CLVS1: variants seen among roughly 807,000 people sequenced by gnomAD.
The protein encoded by CLVS1 is clavesin 1.
In CLVS1, 10 loss-of-function variants were observed where a neutral mutation model predicts 33.1. That is an observed-to-expected ratio of 0.30 (90% CI 0.19 to 0.51). The LOEUF is 0.51. Ranked by LOEUF, CLVS1 falls within the 20% of genes least tolerant of loss-of-function variation. The pLI, the probability that CLVS1 is intolerant of heterozygous loss-of-function variation, is 0.97. For missense variants in CLVS1, 343 were observed against 433.4 expected (o/e 0.79, Z 1.85); for synonymous variants, 163 against 166.1 (o/e 0.98, Z 0.14).
intron 3 of CLVS1, among the ~76,000 whole-genome samples, chr8:61,378,700 T>G (rs1813747610): frequency 6.6e-6 from 1 of 152,170 alleles, no homozygotes; most frequent in Non-Finnish European, 1.5e-5. Context: ...GAGGAAGCAC[T>G]CAGGGCTACT....
At position 61,193,870 on chromosome 8, in the gene CLVS1, A is replaced by G. The variant is rs147188762; in HGVS notation, c.-152+62010A>G. On this transcript the variant is annotated intron_variant, in intron 2 of 2. Coordinates refer to the CLVS1 transcript ENST00000522621. ...TTAAGCAAACATTGTGCTAAACAATAGTATTAATGTCTTGAGGGATTAAAA... is the reference window on the plus strand; with the variant it reads ...TTAAGCAAACATTGTGCTAAACAATGGTATTAATGTCTTGAGGGATTAAAA... Among the ~76,000 whole-genome samples, 6 of 152,240 alleles carry G rather than the reference A, an allele frequency of 3.9e-5. No individual in the cohort carries two copies. The East Asian group carries it at 9.6e-4, about 24-fold the overall frequency.
the CLVS1 span, among the ~76,000 whole-genome samples, chr8:60,980,560 C>A: frequency 1.3e-5 from 2 of 152,160 alleles, no homozygotes; most frequent in Non-Finnish European, 2.9e-5. Flanking sequence ...CCAAGGCTGG[C>A]GGATCACCTG....
chr8:61,172,682 C>A (rs932067362), intron 2 of CLVS1, among the ~76,000 whole-genome samples: 1 of 152,106 alleles, frequency 6.6e-6, no homozygotes, highest in Non-Finnish European at 1.5e-5. Context: ...TTAAAATGTG[C>A]AATGTCTCAA....
chr8:61,386,002 A>T (rs1814071325), intron 3 of CLVS1, among the ~76,000 whole-genome samples: 1 of 152,204 alleles, frequency 6.6e-6, no homozygotes, highest in Non-Finnish European at 1.5e-5. Context: ...ACTGTCCAAT[A>T]CATCACCCGG....
At chr8:61,489,124 T>G (rs1038538060) in intron 5 of CLVS1, among the ~76,000 whole-genome samples, 2 of 152,218 alleles carry the variant, frequency 1.3e-5, no homozygotes, top group African/African-American at 4.8e-5. Flanking sequence ...TTAGAAAACT[T>G]TTTTCTCAAT....
intron 2 of CLVS1, among the ~76,000 whole-genome samples, chr8:61,227,294 C>T (rs1585705185): frequency 2.1e-5 from 3 of 143,076 alleles, no homozygotes; most frequent in African/African-American, 7.8e-5. Flanking sequence ...GCGAGAAATG[C>T]TTTTTTTTTT....
intron 5 of CLVS1, among the ~76,000 whole-genome samples, chr8:61,486,062 G>T (rs570633903): frequency 6.6e-6 from 1 of 151,706 alleles, no homozygotes; most frequent in African/African-American, 2.4e-5. Flanking sequence ...TAACCTGCAC[G>T]TTGTGCACAT....
At chr8:61,389,143 C>G (rs1032459393) in intron 3 of CLVS1, among the ~76,000 whole-genome samples, 2 of 152,180 alleles carry the variant, frequency 1.3e-5, no homozygotes, top group Non-Finnish European at 2.9e-5. Context: ...ACACATAATT[C>G]TTGCTGATTT....
the CLVS1 span, among the ~76,000 whole-genome samples, chr8:60,965,578 C>CA: frequency 2.0e-5 from 3 of 152,048 alleles, no homozygotes; most frequent in Admixed American, 6.6e-5. Context: ...AGGGGGCAAA[C>CA]AAAAGAGCCC....
At chr8:61,355,447 G>A (rs970137686) in intron 2 of CLVS1, among the ~76,000 whole-genome samples, 5 of 151,856 alleles carry the variant, frequency 3.3e-5, no homozygotes, top group African/African-American at 1.2e-4. Context: ...AAGTTTTAGG[G>A]TACATGTGCA....
intron 3 of CLVS1, among the ~76,000 whole-genome samples, chr8:61,410,744 C>T (rs1218461121): frequency 1.3e-5 from 2 of 152,150 alleles, no homozygotes; most frequent in African/African-American, 2.4e-5. Flanking sequence ...TGGGTTCAAG[C>T]AATTCTCCTG....
intron 2 of CLVS1, among the ~76,000 whole-genome samples, chr8:61,363,990 C>T (rs1813091044): frequency 6.6e-6 from 1 of 152,194 alleles, no homozygotes. Flanking sequence ...AATTAACTCT[C>T]ATATTTACAG....
At chr8:61,068,233 ATATATATATATATATG>A (rs1005519324) in intron 1 of CLVS1, among the ~76,000 whole-genome samples, 5 of 146,114 alleles carry the variant, frequency 3.4e-5, no homozygotes, top group African/African-American at 1.0e-4. Context: ...GTATGTGTAT[ATATATATATATATATG>A]TATATATATA....
rs186229143 is a variant in CLVS1 at position 61,386,856 on chromosome 8, C to T, written c.630+10077C>T. 3.9e-5 allele frequency among the ~76,000 whole-genome samples: 6 copies of T among 152,304 alleles called. No homozygotes were observed. In the East Asian group the frequency reaches 1.2e-3, roughly 29 times the overall value. Reference sequence around the variant, plus strand: ...ACATTATCTTATTTGATCCTCCCTACACCCCTTTCATTAAGTGGAGCAGGA... The same window carrying T: ...ACATTATCTTATTTGATCCTCCCTATACCCCTTTCATTAAGTGGAGCAGGA... On this transcript the variant is annotated intron_variant, in intron 3 of 5. Transcript: ENST00000325897.
At chr8:61,284,856 A>G (rs1444988998), upstream of CLVS1, among the ~76,000 whole-genome samples, 2 of 152,208 alleles carry the variant, frequency 1.3e-5, no homozygotes, top group African/African-American at 4.8e-5. Flanking sequence ...AATGTCTCAA[A>G]GAAGAGATCA....
At chr8:61,455,049 G>A (rs1014066518) in intron 4 of CLVS1, among the ~76,000 whole-genome samples, 1 of 151,824 alleles carries the variant, frequency 6.6e-6, no homozygotes, top group Non-Finnish European at 1.5e-5. Context: ...GTGTTATTAA[G>A]GTATAATTGA....
chr8:61,060,170 A>C (rs1387224069), intron 1 of CLVS1, among the ~76,000 whole-genome samples: 1 of 152,120 alleles, frequency 6.6e-6, no homozygotes, highest in Non-Finnish European at 1.5e-5. Context: ...TACCCTAATT[A>C]ATAACAACAA....
At chr8:60,968,504 G>A in the CLVS1 span, among the ~76,000 whole-genome samples, 2 of 123,924 alleles carry the variant, frequency 1.6e-5, no homozygotes, top group South Asian at 3.0e-4. Context: ...CACAGAACAA[G>A]ACTCCGTTTC....
the CLVS1 span, among the ~76,000 whole-genome samples, chr8:61,010,980 A>G: frequency 6.6e-6 from 1 of 152,230 alleles, no homozygotes; most frequent in African/African-American, 2.4e-5. Context: ...CTTGGTTCGC[A>G]CCAATTCAGC....
Sources: allele counts gnomAD v4.1 joint callset (sites outside exome capture counted in the v4.1 genomes callset), GRCh38; gene constraint gnomAD v4.1.1; transcripts MANE v1.5; gene names NCBI Gene and HGNC (gene_info 2026-07-23, HGNC 2026-07-21).